The following DLG4 variants were observed in gnomAD, a reference collection of about 807,000 sequenced individuals.
DLG4 encodes the protein disks large homolog 4.
A neutral mutation model predicts 93.8 loss-of-function variants in DLG4; 7 were observed. That is an observed-to-expected ratio of 0.07 (90% CI 0.04 to 0.14). The LOEUF (loss-of-function observed/expected upper bound fraction) is 0.14. Ranked by LOEUF, DLG4 falls within the 10% of genes least tolerant of loss-of-function variation. The probability of loss-of-function intolerance (pLI) is 1.00; values close to 1 mark genes in which losing one functional copy is unlikely to be tolerated. For missense variants in DLG4, 545 were observed against 992.9 expected (o/e 0.55, Z 6.06); for synonymous variants, 341 against 387.6 (o/e 0.88, Z 1.41).
rs1233005417 is a variant in DLG4, at chr17:7,195,061, G to A, written c.1302-566C>T. Reference sequence around the variant, plus strand: ...AAAAGAAAAAGAAAAACAGAAAGCAGTGTGCAGTACACACGCACATCATAA... The same window carrying A: ...AAAAGAAAAAGAAAAACAGAAAGCAATGTGCAGTACACACGCACATCATAA... On this transcript the variant is annotated intron_variant, in intron 11 of 19. Transcript: ENST00000399506. The surrounding 1 kb of genome is among the most constrained non-coding windows in gnomAD (Gnocchi z 4.3). Among the ~76,000 whole-genome samples, 1 of 151,718 alleles carries A rather than the reference G, an allele frequency of 6.6e-6. No homozygotes were observed. Among genetic ancestry groups the A allele is most frequent in the Admixed American group, 6.6e-5 (1 of 15,232 alleles).
rs2069384335 is a variant in DLG4, at chr17:7,189,449, A to G, written c.*1259T>C. ...GATCACAGTGAGCCGAGATCGAGCC[A>G]CTGCACTCCAGCCTGTGCGACAGAG... On this transcript the variant is annotated 3_prime_UTR_variant, in exon 20 of 20. Coordinates refer to ENST00000399506, the MANE Select transcript of DLG4 (RefSeq NM_001321075.3). Among the ~76,000 whole-genome samples, 1 of 151,936 alleles carries G rather than the reference A, an allele frequency of 6.6e-6. No homozygotes were observed. Among genetic ancestry groups the G allele is most frequent in the South Asian group, 2.1e-4 (1 of 4,824 alleles).
At chr17:7,197,223 C>T (rs938162323) in intron 8 of DLG4, among the ~76,000 whole-genome samples, 171 bp from the exon 9 acceptor site, 1 of 151,932 alleles carries the variant, frequency 6.6e-6, no homozygotes, top group African/African-American at 2.4e-5. Context: ...CATCAGGGGT[C>T]AGGAATTTAT....
intron 1 of DLG4, among the ~76,000 whole-genome samples, chr17:7,215,166 G>A (rs568202473): frequency 6.6e-6 from 1 of 152,280 alleles, no homozygotes; most frequent in Non-Finnish European, 1.5e-5. Flanking sequence ...GGGCCTTATG[G>A]GAGTTGGAGT....
At chr17:7,218,279 T>C (rs372731000), upstream of DLG4, 50 of 1,608,998 alleles carry the variant, frequency 3.1e-5, no homozygotes, top group Non-Finnish European at 4.1e-5. Context: ...TAGTCCAGGA[T>C]GTCTGTCACA....
rs71383475 is a variant in DLG4 at position 7,187,315 on chromosome 17, G to T, written c.*3393C>A. Among the ~76,000 whole-genome samples the T allele has an allele frequency of 0.02, 2,363 of 117,542 alleles. 608 individuals are homozygous for T. The highest frequency in any genetic ancestry group is 0.071 in the South Asian group (213 of 3,020). The allele number at this position is 117,542 out of a possible 152,430, so 77.1% of individuals were successfully genotyped here. A position where few individuals can be genotyped will look rare whatever the true frequency, so the allele number is the denominator to read the frequency against. ...AGCACTTTGGGAGGCCGAGGGGGGG[G>T]GGGGTGGATCACCCGAGGTCAGGAG... is the stretch of plus-strand genomic sequence containing the variant. On this transcript the variant is annotated 3_prime_UTR_variant, in exon 20 of 20. Transcript: ENST00000399506.
chr17:7,207,263 G>C (rs1295066003), intron 2 of DLG4, among the ~76,000 whole-genome samples: 4 of 152,066 alleles, frequency 2.6e-5, no homozygotes, highest in Non-Finnish European at 2.9e-5. Flanking sequence ...ATGAGGGAAA[G>C]GACTGATCAG....
In DLG4 at chr17:7,217,575, ACGGCAG is replaced by A; in HGVS notation, c.-434_-429del. ...GGGGAGTGGGGTGGGGGGGTTGGAA[ACGGCAG>A]CGGCCGAGGGAGCCGTGGAGCCGAA... is the stretch of plus-strand genomic sequence containing the variant. On this transcript the variant is annotated 5_prime_UTR_variant, in exon 1 of 20. Coordinates refer to ENST00000399506, the MANE Select transcript of DLG4 (RefSeq NM_001321075.3). 7.7e-7 allele frequency: 1 copy of A among 1,293,432 alleles called. No homozygotes were observed. The highest frequency in any genetic ancestry group is 9.9e-7 in the Non-Finnish European group (1 of 1,008,716). 80.1% of individuals were successfully genotyped at this position (1,293,432 alleles called of 1,614,324 possible).
chr17:7,189,229 C>T lies in DLG4; in HGVS notation c.*1479G>A, dbSNP rs899595809. Among the ~76,000 whole-genome samples, 14 of 151,800 alleles carry T rather than the reference C, an allele frequency of 9.2e-5. No individual in the cohort carries two copies. Among genetic ancestry groups the T allele is most frequent in the African/African-American group, 2.2e-4 (9 of 41,400 alleles). ...TTTCCAGGCCAGGCGCGGTGGCTCA[C>T]GCCTGTAATCCCAGCACTTTGGGAG... is the stretch of plus-strand genomic sequence containing the variant. On this transcript the variant is annotated 3_prime_UTR_variant, in exon 20 of 20. Coordinates refer to ENST00000399506, the MANE Select transcript of DLG4 (RefSeq NM_001321075.3).
At chr17:7,204,406 A>G in intron 2 of DLG4, 154 bp from the exon 3 acceptor site, 1 of 666,324 alleles carries the variant, frequency 1.5e-6, no homozygotes, top group Non-Finnish European at 2.6e-6. Flanking sequence ...GCCTCAATCC[A>G]CATCACACAC....
At chr17:7,198,849 A>G (rs1235494501) in intron 8 of DLG4, among the ~76,000 whole-genome samples, 2 of 98,776 alleles carry the variant, frequency 2.0e-5, no homozygotes, top group African/African-American at 9.4e-5. Context: ...CTCCATCTCA[A>G]AAAAAAAAAA....
chr17:7,207,942 G>GC, intron 2 of DLG4: 7 of 511,286 alleles, frequency 1.4e-5, no homozygotes, highest in African/African-American at 2.0e-5. Flanking sequence ...AGGAGCCCAA[G>GC]CCCCAAACCC....
upstream of DLG4, chr17:7,219,561 C>A: frequency 9.0e-7 from 1 of 1,110,534 alleles, no homozygotes; most frequent in Non-Finnish European, 1.1e-6. Flanking sequence ...TAGAGTCTGT[C>A]TTTCCATGTC....
chr17:7,219,850 C>T, upstream of DLG4: 1 of 1,538,562 alleles, frequency 6.5e-7, no homozygotes, highest in Non-Finnish European at 8.7e-7. Flanking sequence ...TCCCAGCATG[C>T]CCCGGGGCCC....
chr17:7,204,723 C>G (rs1300861708), intron 2 of DLG4, among the ~76,000 whole-genome samples: 1 of 151,902 alleles, frequency 6.6e-6, no homozygotes, highest in African/African-American at 2.4e-5. Flanking sequence ...CCCATCCCCC[C>G]AACCCCCCAT....
chr17:7,204,642 T>C (rs1429342188), intron 2 of DLG4, among the ~76,000 whole-genome samples: 8 of 151,888 alleles, frequency 5.3e-5, no homozygotes, highest in African/African-American at 1.9e-4. Flanking sequence ...CACAGGGTGT[T>C]ACATGCCTTA....
At chr17:7,205,504 C>T (rs926633587) in intron 2 of DLG4, among the ~76,000 whole-genome samples, 1 of 152,126 alleles carries the variant, frequency 6.6e-6, no homozygotes, top group Non-Finnish European at 1.5e-5. Context: ...TTCCCGCTCT[C>T]CCCGTCCAAA....
At chr17:7,197,957 TA>T (rs1428457624) in intron 8 of DLG4, among the ~76,000 whole-genome samples, 2 of 152,204 alleles carry the variant, frequency 1.3e-5, no homozygotes, top group Non-Finnish European at 2.9e-5. Flanking sequence ...TAGGTAGCGC[TA>T]CGTTCTTCCT....
intron 8 of DLG4, among the ~76,000 whole-genome samples, chr17:7,199,020 A>C (rs537843012): frequency 4.7e-4 from 72 of 152,058 alleles, no homozygotes; most frequent in Non-Finnish European, 4.4e-4. Flanking sequence ...CCTGCCTCCA[A>C]CAAAAAAAAA....
At position 7,187,763 on chromosome 17, in the gene DLG4, G is replaced by A. The variant is rs1302602509; in HGVS notation, c.*2945C>T. On this transcript the variant is annotated 3_prime_UTR_variant, in exon 20 of 20. Transcript: ENST00000399506. ...GCTATTACACAGAACCAAGCTAAGA[G>A]AAGGATTATTTGAAAAACATCAGGG... Among the ~76,000 whole-genome samples the A allele has an allele frequency of 2.0e-5, 3 of 151,634 alleles. No individual in the cohort carries two copies. The highest frequency in any genetic ancestry group is 4.8e-5 in the African/African-American group (2 of 41,248).
Sources: gnomAD v4.1 joint callset for allele counts (sites outside exome capture counted in the v4.1 genomes callset) on GRCh38, gnomAD v4.1.1 for gene constraint, Gnocchi (gnomAD v3.1) non-coding constraint, MANE v1.5 for transcripts, NCBI Gene and HGNC (gene_info 2026-07-23, HGNC 2026-07-21) for gene names.